Variants in PCDHA3 observed in about 807,000 individuals in gnomAD.
PCDHA3 encodes protocadherin alpha-3.
PCDHA3 carries 41 observed loss-of-function variants against 62.2 expected under a neutral mutation model. The ratio of observed to expected loss-of-function variants is 0.66; its 90% CI spans 0.51 to 0.86. The LOEUF (loss-of-function observed/expected upper bound fraction) is 0.86, where lower values mean the gene tolerates loss of function less well. PCDHA3 is among the 40% of genes least tolerant of loss of function. The probability of loss-of-function intolerance (pLI) is 0.00; values close to 1 mark genes in which losing one functional copy is unlikely to be tolerated. For missense variants in PCDHA3, 1,304 were observed against 1,241.2 expected (o/e 1.05, Z -0.76); for synonymous variants, 640 against 555.4 (o/e 1.15, Z -2.14).
chr5:140,812,296 A>G (rs180912974), intron 1 of PCDHA3: 1 of 152,090 alleles, frequency 6.6e-6, no homozygotes, highest in Non-Finnish European at 1.5e-5. Context: ...ATTTTTTGGT[A>G]TATGATTTTA....
At chr5:140,809,619 T>C in intron 1 of PCDHA3, 1 of 1,511,388 alleles carries the variant, frequency 6.6e-7, no homozygotes. Flanking sequence ...TGTTTTTCTC[T>C]ATCAACTTCT....
Position 140,842,785 on chromosome 5 carries a change from G to C in PCDHA3, c.2394+39194G>C, listed in dbSNP as rs2150344223. On this transcript the variant is annotated intron_variant, in intron 1 of 3. Coordinates refer to ENST00000522353, the MANE Select transcript of PCDHA3 (RefSeq NM_018906.3). ...GAGACGCGGACGCGCAGGAGAACGC[G>C]CTGGTGTCCTACTCGCTTGTGGAGC... 6.5e-5 allele frequency: 103 copies of C among 1,594,472 alleles called. 8 individuals carry two copies. Among genetic ancestry groups the C allele is most frequent in the South Asian group, 4.4e-4 (40 of 90,456 alleles).
chr5:140,920,133 C>A (rs1463322279), intron 1 of PCDHA3, among the ~76,000 whole-genome samples: 7 of 152,178 alleles, frequency 4.6e-5, no homozygotes, highest in African/African-American at 1.4e-4. Flanking sequence ...AGTTTTAATT[C>A]TCCTCTCCAA....
At chr5:140,856,778 C>T (rs782280474) in intron 1 of PCDHA3, 2 of 1,596,260 alleles carry the variant, frequency 1.3e-6, no homozygotes, top group Admixed American at 3.4e-5. Context: ...CTTTGACAGA[C>T]CGGTTTATGA....
chr5:140,813,254 C>T (rs1554126149), intron 1 of PCDHA3: 1 of 152,178 alleles, frequency 6.6e-6, no homozygotes, highest in East Asian at 1.9e-4. Flanking sequence ...TCTCCTACTA[C>T]AGTCATTGGA....
At chr5:140,917,278 C>T (rs188364646) in intron 1 of PCDHA3, among the ~76,000 whole-genome samples, 198 of 143,570 alleles carry the variant, frequency 1.4e-3, no homozygotes, top group South Asian at 9.8e-3. Flanking sequence ...TTTGTAATGA[C>T]GCTTTTCCGT....
intron 1 of PCDHA3, among the ~76,000 whole-genome samples, chr5:140,933,844 G>A (rs2089450133): frequency 6.6e-6 from 1 of 151,910 alleles, no homozygotes; most frequent in South Asian, 2.1e-4. Context: ...TTTCATTCCT[G>A]TACCTTTAAT....
At chr5:140,818,883 G>T (rs960281894) in intron 1 of PCDHA3, among the ~76,000 whole-genome samples, 4 of 152,162 alleles carry the variant, frequency 2.6e-5, no homozygotes, top group African/African-American at 9.6e-5. Context: ...GCCTGAGATT[G>T]CATCTCTTGA....
At position 140,858,521 on chromosome 5, in the gene PCDHA3, A is replaced by T. The variant is rs782589492; in HGVS notation, c.2394+54930A>T. 6.3e-6 allele frequency: 9 copies of T among 1,420,880 alleles called. 2 individuals are homozygous for T. The African/African-American group carries it at 1.3e-4, about 20-fold the overall frequency. 88.0% of individuals were successfully genotyped at this position (1,420,880 alleles called of 1,614,324 possible). ...CATTTTCTCAAATATGTATCAGAAT[A>T]TTTCATTTTTGTCTACATTCCATTT... On this transcript the variant is annotated intron_variant, in intron 1 of 3. Transcript: ENST00000522353.
intron 1 of PCDHA3, chr5:140,857,399 G>T (rs375062704): frequency 6.3e-7 from 1 of 1,598,510 alleles, no homozygotes; most frequent in Non-Finnish European, 8.6e-7. Context: ...GAACGACAAC[G>T]CGCCTGCGTT....
At chr5:140,821,231 G>A (rs887712288) in intron 1 of PCDHA3, among the ~76,000 whole-genome samples, 1 of 152,070 alleles carries the variant, frequency 6.6e-6, no homozygotes, top group Admixed American at 6.5e-5. Flanking sequence ...ATAGAGATGA[G>A]AAAAGTCAAA....
intron 3 of PCDHA3, among the ~76,000 whole-genome samples, chr5:140,986,404 G>GT (rs2097199196): frequency 6.6e-6 from 1 of 152,190 alleles, no homozygotes; most frequent in Non-Finnish European, 1.5e-5. Context: ...AGTCGCTCAT[G>GT]TTACAGCTCT....
chr5:141,010,282 A>C lies in PCDHA3; in HGVS notation c.*345A>C, dbSNP rs375556483. The C allele has an allele frequency of 6.4e-7, 1 of 1,551,130 alleles. No homozygotes were observed. Among genetic ancestry groups the C allele is most frequent in the Admixed American group, 2.0e-5 (1 of 50,878 alleles). On this transcript the variant is annotated 3_prime_UTR_variant, in exon 4 of 4. Transcript: ENST00000522353. ...GTGCTCCGGGGATCCTGTCTTGATGACACTTGCAGGGCAGGCTGAAAAGTT... is the reference window on the plus strand; with the variant it reads ...GTGCTCCGGGGATCCTGTCTTGATGCCACTTGCAGGGCAGGCTGAAAAGTT...
chr5:140,921,471 A>G (rs2080231314), intron 1 of PCDHA3, among the ~76,000 whole-genome samples: 1 of 152,182 alleles, frequency 6.6e-6, no homozygotes, highest in Non-Finnish European at 1.5e-5. Context: ...ACCACTACCA[A>G]ACCACTCTAC....
intron 1 of PCDHA3, chr5:140,850,572 C>T: frequency 6.3e-7 from 1 of 1,598,416 alleles, no homozygotes; most frequent in South Asian, 1.1e-5. Flanking sequence ...CGAGGTGACG[C>T]TGGTGGATGT....
chr5:140,836,612 C>G, intron 1 of PCDHA3: 2 of 1,613,634 alleles, frequency 1.2e-6, no homozygotes, highest in Non-Finnish European at 1.7e-6. Flanking sequence ...TGTGCTCCAG[C>G]GCGGTGGGGA....
Position 140,811,879 on chromosome 5 carries a change from C to A in PCDHA3, c.2394+8288C>A, listed in dbSNP as rs184579564. ...TTTTTCTTGTAAATGTGTTTAGGTT[C>A]TTTGTAGATTCTGGATATTAGCCCT... On this transcript the variant is annotated intron_variant, in intron 1 of 3. Transcript: ENST00000522353. 4.6e-5 allele frequency: 7 copies of A among 152,100 alleles called. No individual in the cohort carries two copies. In the East Asian group the frequency reaches 1.4e-3, roughly 29 times the overall value. The allele number at this position is 152,100 out of a possible 1,614,324, so 9.4% of individuals were successfully genotyped here. A position where few individuals can be genotyped will look rare whatever the true frequency, so the allele number is the denominator to read the frequency against.
rs781991461 is a variant in PCDHA3 at position 140,803,193 on chromosome 5, C to G, written c.1996C>G (p.Leu666Val). 1.9e-6 allele frequency: 3 copies of G among 1,613,786 alleles called. No homozygotes were observed. Among genetic ancestry groups the G allele is most frequent in the Admixed American group, 1.7e-5 (1 of 60,004 alleles). ...EPSLTATATV[L>V]VSLVESGQAP... is the part of the protein sequence containing the mutation. ...CTCATTGACCGCCACGGCCACTGTG[C>G]TGGTGTCGCTGGTGGAGAGTGGCCA... Residue 666 changes from leucine (L) to valine (V), a missense_variant, in exon 1 of 4, where the codon CTG becomes GTG. Physicochemically the swap from Leu to Val is conservative, Grantham distance 32 (BLOSUM62 1). Transcript: ENST00000522353.
chr5:140,828,700 G>T (rs2150158039), intron 1 of PCDHA3: 3 of 1,614,210 alleles, frequency 1.9e-6, no homozygotes, highest in Non-Finnish European at 2.5e-6. Flanking sequence ...TGGACAGAGA[G>T]GAAGCTCCTG....
Sources: allele counts gnomAD v4.1 joint callset (sites outside exome capture counted in the v4.1 genomes callset), GRCh38; gene constraint gnomAD v4.1.1; transcripts MANE v1.5; gene names NCBI Gene and HGNC (gene_info 2026-07-23, HGNC 2026-07-21).